KAZN: variants seen among roughly 807,000 people sequenced by gnomAD.
KAZN encodes kazrin.
Under a neutral mutation model 87.4 loss-of-function variants are expected in KAZN, and 40 were observed. The observed-to-expected ratio is 0.46, with a 90% CI of 0.36 to 0.60. The LOEUF is 0.60. Ranked by LOEUF, KAZN falls within the 20% of genes least tolerant of loss-of-function variation. The pLI, the probability that KAZN is intolerant of heterozygous loss-of-function variation, is 0.00. For missense variants in KAZN, 898 were observed against 1,073.9 expected, an observed-to-expected ratio of 0.84 and a Z score of 2.29; for synonymous variants, 466 against 458.3, an observed-to-expected ratio of 1.02 and a Z score of -0.22.
At chr1:14,466,828 T>C (rs898147503) in intron 2 of KAZN, among the ~76,000 whole-genome samples, 3 of 151,918 alleles carry the variant, frequency 2.0e-5, no homozygotes, top group African/African-American at 7.2e-5. Context: ...AATTAGCCTG[T>C]TGTGGTGGCG....
In KAZN at chr1:15,034,862, C is replaced by T. The variant is rs759260992; in HGVS notation, c.532C>T (p.Arg178Cys). 6 of 1,613,942 alleles carry T rather than the reference C, an allele frequency of 3.7e-6. No homozygotes were observed. Among genetic ancestry groups the T allele is most frequent in the Admixed American group, 3.3e-5 (2 of 60,006 alleles). ...SREEQLRDFI[R>C]NYEQHRKESE... ...CGAGGAGCAGCTCCGAGACTTCATC[C>T]GCAACTATGAGCAGCACCGCAAGGT... The change falls in exon 3 of 15, where the codon CGC (arginine) becomes TGC (cysteine). Residue 178 changes from arginine to cysteine, a missense_variant. By Grantham distance (180) the Arg-to-Cys change is radical. Transcript: ENST00000376030.
At chr1:14,218,406 C>T (rs1035351425) in intron 2 of KAZN, among the ~76,000 whole-genome samples, 1 of 152,084 alleles carries the variant, frequency 6.6e-6, no homozygotes, top group African/African-American at 2.4e-5. Flanking sequence ...AATACTATTT[C>T]CCACTAAAAG....
chr1:15,041,331 C>CTTTTTTCT (rs1553178771), intron 3 of KAZN, among the ~76,000 whole-genome samples: 1 of 114,136 alleles, frequency 8.8e-6, no homozygotes, highest in Non-Finnish European at 1.7e-5. Flanking sequence ...CATTTTTTTT[C>CTTTTTTCT]TTTTTTTTTT....
At chr1:14,755,133 G>T (rs963951246) in intron 1 of KAZN, among the ~76,000 whole-genome samples, 11 of 149,204 alleles carry the variant, frequency 7.4e-5, no homozygotes, top group African/African-American at 2.7e-4. Flanking sequence ...TGTGCCCACA[G>T]TTCCAGCTAC....
At chr1:15,114,372 A>T in intron 14 of KAZN, 99 bp from the exon 15 acceptor site, 1 of 969,212 alleles carries the variant, frequency 1.0e-6, no homozygotes, top group South Asian at 1.6e-5. Context: ...TAAGTTACTC[A>T]ATCACAGAGC....
At chr1:14,379,388 C>T (rs1036337214) in intron 2 of KAZN, among the ~76,000 whole-genome samples, 2 of 152,096 alleles carry the variant, frequency 1.3e-5, no homozygotes, top group African/African-American at 2.4e-5. Flanking sequence ...CTTTGTTTTT[C>T]ACCTTAGGTA....
intron 1 of KAZN, among the ~76,000 whole-genome samples, chr1:13,987,026 AAAGT>A (rs1639050617): frequency 1.3e-5 from 2 of 152,150 alleles, no homozygotes; most frequent in South Asian, 4.2e-4. Flanking sequence ...TGGAAGAAAG[AAAGT>A]GTCTTCCATT....
At chr1:14,935,517 T>G (rs1660348015) in intron 1 of KAZN, among the ~76,000 whole-genome samples, 1 of 152,048 alleles carries the variant, frequency 6.6e-6, no homozygotes, top group Non-Finnish European at 1.5e-5. Context: ...GCAAATTCTC[T>G]GTCCACTCCG....
chr1:14,884,218 C>T (rs1653796318), intron 1 of KAZN, among the ~76,000 whole-genome samples: 1 of 152,036 alleles, frequency 6.6e-6, no homozygotes, highest in Non-Finnish European at 1.5e-5. Flanking sequence ...ATGGTGGAAC[C>T]CCGTCTCTAC....
chr1:14,565,402 T>TA (rs959494486), intron 2 of KAZN, among the ~76,000 whole-genome samples: 6 of 151,966 alleles, frequency 3.9e-5, no homozygotes, highest in Admixed American at 2.0e-4. Flanking sequence ...ATTTTATTCC[T>TA]AAAAAAAATG....
chr1:14,087,886 T>G (rs1298016837), intron 1 of KAZN, among the ~76,000 whole-genome samples: 1 of 151,974 alleles, frequency 6.6e-6, no homozygotes, highest in African/African-American at 2.4e-5. Flanking sequence ...TCTATACTTT[T>G]GAGAAGTATT....
intron 2 of KAZN, among the ~76,000 whole-genome samples, chr1:14,588,274 G>A (rs1231914356): frequency 6.6e-6 from 1 of 152,108 alleles, no homozygotes; most frequent in Non-Finnish European, 1.5e-5. Context: ...GCCTCTTCTT[G>A]GATAGTTGAG....
At position 15,065,027 on chromosome 1, in the gene KAZN, C is replaced by CTTTTTTTTTTT. The variant is rs780410306; in HGVS notation, c.1099-591_1099-581dup. Among the ~76,000 whole-genome samples the CTTTTTTTTTTT allele has an allele frequency of 1.6e-3, 169 of 102,714 alleles. 2 individuals carry two copies. The highest frequency in any genetic ancestry group is 2.9e-3 in the East Asian group (10 of 3,500). The allele number at this position is 102,714 out of a possible 152,430, so 67.4% of individuals were successfully genotyped here. Reference sequence around the variant, plus strand: ...CACCGTCCTTGGGGTCTTTTTCTTTCTTTTTTTTTTTTTTTTTTTTTTGAG... The same window carrying CTTTTTTTTTTT: ...CACCGTCCTTGGGGTCTTTTTCTTTCTTTTTTTTTTTTTTTTTTTTTTTTTTTTTTTTTGAG... On this transcript the variant is annotated intron_variant, in intron 7 of 14. Coordinates refer to ENST00000376030, the MANE Select transcript of KAZN (RefSeq NM_201628.3).
intron 1 of KAZN, among the ~76,000 whole-genome samples, chr1:13,943,835 AT>A (rs1231235497): frequency 2.0e-4 from 30 of 152,256 alleles, no homozygotes; most frequent in African/African-American, 7.0e-4. Flanking sequence ...TCACAATGGT[AT>A]ACTATTTCAC....
intron 2 of KAZN, among the ~76,000 whole-genome samples, chr1:14,563,934 A>G (rs1308758746): frequency 1.5e-5 from 2 of 133,212 alleles, no homozygotes; most frequent in Non-Finnish European, 3.1e-5. Flanking sequence ...GAGTTGCACA[A>G]TCTTGGCTCA....
intron 1 of KAZN, among the ~76,000 whole-genome samples, chr1:14,865,465 TC>T (rs1651342521): frequency 6.6e-6 from 1 of 152,086 alleles, no homozygotes; most frequent in Non-Finnish European, 1.5e-5. Context: ...GTCTCCCTCC[TC>T]CCCCATGTCT....
chr1:14,385,615 G>A (rs1333725807), intron 2 of KAZN, among the ~76,000 whole-genome samples: 2 of 152,156 alleles, frequency 1.3e-5, no homozygotes, highest in Non-Finnish European at 2.9e-5. Flanking sequence ...CCATGTAGTT[G>A]AGCGGTTTTG....
intron 1 of KAZN, among the ~76,000 whole-genome samples, chr1:13,923,349 A>G (rs1041554920): frequency 2.0e-4 from 31 of 152,158 alleles, no homozygotes; most frequent in South Asian, 4.2e-4. Flanking sequence ...TGAGGTGGGC[A>G]GATCACGAGG....
chr1:14,073,993 G>C (rs115729306), intron 1 of KAZN, among the ~76,000 whole-genome samples: 2,782 of 152,212 alleles, frequency 0.018, 63 homozygotes, highest in African/African-American at 0.064. Context: ...TCTGGAAATA[G>C]AACAAAATAT....
Sources: allele counts gnomAD v4.1 joint callset (sites outside exome capture counted in the v4.1 genomes callset), GRCh38; gene constraint gnomAD v4.1.1; transcripts MANE v1.5; gene names NCBI Gene and HGNC (gene_info 2026-07-23, HGNC 2026-07-21).